The following VPS35L variants were observed in gnomAD, a reference collection of about 807,000 sequenced individuals.
The protein encoded by VPS35L is VPS35 endosomal protein sorting factor like.
A neutral mutation model predicts 133.0 loss-of-function variants in VPS35L; 83 were observed. The observed-to-expected ratio is 0.62, with a 90% confidence interval of 0.52 to 0.75. The LOEUF (loss-of-function observed/expected upper bound fraction) is 0.75. Ranked by LOEUF, VPS35L falls within the 30% of genes least tolerant of loss-of-function variation. The probability of loss-of-function intolerance (pLI) is 0.00; values close to 1 mark genes in which losing one functional copy is unlikely to be tolerated. For missense variants in VPS35L, 1,083 were observed against 1,206.8 expected (o/e 0.90, Z 1.52); for synonymous variants, 423 against 449.9 (o/e 0.94, Z 0.76).
At chr16:19,594,642 C>A (rs1463723211) in intron 8 of VPS35L, among the ~76,000 whole-genome samples, 2 of 21,312 alleles carry the variant, frequency 9.4e-5, no homozygotes, top group African/African-American at 1.6e-4. Context: ...GAGATTTCGT[C>A]TCAAAAAAAA....
At chr16:19,618,101 A>C (rs1396116373) in intron 14 of VPS35L, 1 of 151,722 alleles carries the variant, frequency 6.6e-6, no homozygotes, top group Non-Finnish European at 1.5e-5. Context: ...AAAAAAAAAA[A>C]AAAAAAGACT....
chr16:19,586,595 C>T (rs767803027), intron 7 of VPS35L, among the ~76,000 whole-genome samples: 1 of 152,182 alleles, frequency 6.6e-6, no homozygotes, highest in Non-Finnish European at 1.5e-5. Flanking sequence ...CTGCCTCGGC[C>T]TCCCAAAGTG....
chr16:19,685,856 G>C (rs1975438262), intron 28 of VPS35L, among the ~76,000 whole-genome samples: 2 of 152,164 alleles, frequency 1.3e-5, no homozygotes, highest in South Asian at 4.1e-4. Context: ...AGACCTGGAA[G>C]TGAGGCTATC....
intron 5 of VPS35L, among the ~76,000 whole-genome samples, chr16:19,576,214 A>G (rs1290986721): frequency 6.6e-6 from 1 of 151,702 alleles, no homozygotes; most frequent in East Asian, 1.9e-4. Flanking sequence ...ACTAGGAGTA[A>G]AACGTAAGCT....
chr16:19,594,441 C>T lies in VPS35L; in HGVS notation c.724+2567C>T, dbSNP rs540282994. Reference sequence around the variant, plus strand: ...GTTGGATCACTTCAGGTCAGGAGTGCGAGACCAGACTGGCTAACATGGTGA... The same window carrying T: ...GTTGGATCACTTCAGGTCAGGAGTGTGAGACCAGACTGGCTAACATGGTGA... On this transcript the variant is annotated intron_variant, in intron 8 of 30. Coordinates refer to ENST00000417362, the MANE Select transcript of VPS35L (RefSeq NM_020314.7). Among the ~76,000 whole-genome samples, 4 of 151,962 alleles carry T rather than the reference C, an allele frequency of 2.6e-5. No individual in the cohort carries two copies. In the South Asian group the frequency reaches 8.3e-4, roughly 32 times the overall value.
chr16:19,567,762 AG>A (rs1597308014), intron 2 of VPS35L, among the ~76,000 whole-genome samples: 1 of 152,252 alleles, frequency 6.6e-6, no homozygotes, highest in East Asian at 1.9e-4. Context: ...TGGGCCCAGG[AG>A]TTCGAGAACA....
At chr16:19,616,830 T>G (rs1261731509) in intron 14 of VPS35L, 22 bp downstream of exon 14, 1 of 1,614,160 alleles carries the variant, frequency 6.2e-7, no homozygotes, top group East Asian at 2.2e-5. Flanking sequence ...GTGGCTTCAG[T>G]GTGACGCTCA....
At chr16:19,667,995 T>C (rs1336560806) in intron 26 of VPS35L, among the ~76,000 whole-genome samples, 1 of 152,134 alleles carries the variant, frequency 6.6e-6, no homozygotes, top group Non-Finnish European at 1.5e-5. Context: ...AAGGAGTGTC[T>C]TTCTGTGACA....
intron 12 of VPS35L, chr16:19,610,616 T>TA: frequency 4.7e-6 from 2 of 421,418 alleles, no homozygotes; most frequent in East Asian, 3.6e-5. Context: ...TAGACCAACT[T>TA]ACTGTAGCTC....
At chr16:19,655,486 C>A (rs534990583) in intron 26 of VPS35L, among the ~76,000 whole-genome samples, 1 of 152,288 alleles carries the variant, frequency 6.6e-6, no homozygotes, top group South Asian at 2.1e-4. Flanking sequence ...CCCTCCAGTT[C>A]ATTTTGTTGC....
Position 19,649,658 on chromosome 16 carries a change from A to C in VPS35L, c.2029-724A>C, listed in dbSNP as rs1974064297. Reference sequence around the variant, plus strand: ...GTTTGCTGCAGCACCCCAGGGTGCCATGGTGCACCGTTTGGGAACCACAGG... The same window carrying C: ...GTTTGCTGCAGCACCCCAGGGTGCCCTGGTGCACCGTTTGGGAACCACAGG... On this transcript the variant is annotated intron_variant, in intron 24 of 30. Transcript: ENST00000417362. Among the ~76,000 whole-genome samples, 4 of 152,362 alleles carry C rather than the reference A, an allele frequency of 2.6e-5. No homozygotes were observed. In the South Asian group the frequency reaches 8.3e-4, roughly 32 times the overall value.
intron 27 of VPS35L, among the ~76,000 whole-genome samples, chr16:19,680,435 A>G (rs1265642227): frequency 6.6e-6 from 1 of 152,184 alleles, no homozygotes; most frequent in Admixed American, 6.5e-5. Context: ...CATTAACAGA[A>G]TACAGTGTGC....
At chr16:19,594,237 A>C (rs899258501) in intron 8 of VPS35L, among the ~76,000 whole-genome samples, 1 of 152,182 alleles carries the variant, frequency 6.6e-6, no homozygotes, top group African/African-American at 2.4e-5. Context: ...CTGGGCAAAA[A>C]GAAGAGATGT....
At position 19,570,874 on chromosome 16, in the gene VPS35L, TATA is replaced by T. The variant is rs1567388728; in HGVS notation, c.285+1284_285+1286del. On this transcript the variant is annotated intron_variant, in intron 3 of 30. Transcript: ENST00000417362. ...ATATATATATATATATATATATATA[TATA>T]TATATATATATATTTTTGAGATGAA... Among the ~76,000 whole-genome samples the T allele has an allele frequency of 9.1e-5, 8 of 88,218 alleles. 1 individual carries two copies. Among genetic ancestry groups the T allele is most frequent in the African/African-American group, 4.8e-4 (8 of 16,754 alleles). The allele number at this position is 88,218 out of a possible 152,430, so 57.9% of individuals were successfully genotyped here. A position where few individuals can be genotyped will look rare whatever the true frequency, so the allele number is the denominator to read the frequency against.
chr16:19,644,232 CTG>C (rs1468244311), intron 22 of VPS35L, among the ~76,000 whole-genome samples: 1 of 152,058 alleles, frequency 6.6e-6, no homozygotes, highest in Non-Finnish European at 1.5e-5. Flanking sequence ...ATAGAAGCAA[CTG>C]AGACCTGAGA....
rs772328728 is a variant in VPS35L, at chr16:19,569,543, C to T, written c.237C>T (p.Leu79=). The change falls in exon 3 of 31, where the codon CTC becomes CTT. Residue 79 remains leucine, a synonymous_variant. Coordinates refer to ENST00000417362, the MANE Select transcript of VPS35L (RefSeq NM_020314.7). ...LSSVLDGTDP[L]SMFAATADPA... ...GCGTCCTCGATGGGACTGACCCCCT[C>T]TCCATGTTTGCAGCCACTGCTGACC... 8 of 1,597,174 alleles carry T rather than the reference C, an allele frequency of 5.0e-6. No homozygotes were observed. In the South Asian group the frequency reaches 7.9e-5, roughly 16 times the overall value.
chr16:19,686,399 G>A (rs187227512), intron 28 of VPS35L, among the ~76,000 whole-genome samples: 8 of 152,298 alleles, frequency 5.3e-5, no homozygotes, highest in Non-Finnish European at 7.3e-5. Context: ...ACAAGACAGC[G>A]TGCATGTTTG....
intron 8 of VPS35L, among the ~76,000 whole-genome samples, chr16:19,595,686 G>A (rs1972191869): frequency 6.6e-6 from 1 of 152,220 alleles, no homozygotes; most frequent in Non-Finnish European, 1.5e-5. Flanking sequence ...CACTCTGCCA[G>A]CTCCTGCCAG....
intron 18 of VPS35L, among the ~76,000 whole-genome samples, chr16:19,631,995 T>C (rs1244397558): frequency 6.6e-6 from 1 of 152,132 alleles, no homozygotes; most frequent in Non-Finnish European, 1.5e-5. Context: ...GGAGTCTCAC[T>C]CCGTCACCCA....
Sources: gnomAD v4.1 joint callset for allele counts (sites outside exome capture counted in the v4.1 genomes callset) on GRCh38, gnomAD v4.1.1 for gene constraint, MANE v1.5 for transcripts, NCBI Gene and HGNC (gene_info 2026-07-23, HGNC 2026-07-21) for gene names.